CLN8: variants seen among roughly 807,000 people sequenced by gnomAD.
CLN8 encodes protein CLN8.
CLN8 carries 14 observed loss-of-function variants against 15.7 expected under a neutral mutation model. The observed-to-expected ratio is 0.89, with a 90% CI of 0.59 to 1.39. CLN8 has a LOEUF of 1.39. Among genes scored for constraint, CLN8 ranks in the 40% most tolerant of loss-of-function variants. CLN8 has a pLI of 0.00. For synonymous variants in CLN8, 188 were observed against 151.0 expected (o/e 1.25, Z -1.80); for missense variants, 415 against 364.0 (o/e 1.14, Z -1.14).
At chr8:1,780,011 C>T (rs760305859) in intron 2 of CLN8, 1 of 985,320 alleles carries the variant, frequency 1.0e-6, no homozygotes, top group Non-Finnish European at 1.2e-6. Context: ...GCAAGAGGAG[C>T]AGGAAAACAG....
intron 1 of CLN8, among the ~76,000 whole-genome samples, chr8:1,767,565 C>CTTTTTTTTTTTTTTT (rs1156569423): frequency 2.5e-5 from 2 of 81,310 alleles, no homozygotes; most frequent in Non-Finnish European, 2.1e-5. Flanking sequence ...ATGTTTCTTT[C>CTTTTTTTTTTTTTTT]TTTTTTTTTT....
chr8:1,779,738 C>A (rs1021268147), intron 2 of CLN8, among the ~76,000 whole-genome samples: 2 of 152,186 alleles, frequency 1.3e-5, no homozygotes, highest in Admixed American at 1.3e-4. Flanking sequence ...TGGCCACCTT[C>A]TGGCTGTGTC....
At chr8:1,775,331 G>A (rs1278243840) in intron 2 of CLN8, among the ~76,000 whole-genome samples, 1 of 152,110 alleles carries the variant, frequency 6.6e-6, no homozygotes, top group Non-Finnish European at 1.5e-5. Context: ...GTATCTGCAG[G>A]GAGCCCAGGA....
upstream of CLN8, among the ~76,000 whole-genome samples, chr8:1,754,338 T>G (rs6558523): frequency 2.6e-5 from 4 of 151,660 alleles, no homozygotes; most frequent in African/African-American, 9.7e-5. Context: ...ACCCCTGCAT[T>G]ACACCATTGG....
chr8:1,769,586 G>A (rs1801217905), intron 1 of CLN8, among the ~76,000 whole-genome samples: 1 of 152,160 alleles, frequency 6.6e-6, no homozygotes, highest in South Asian at 2.1e-4. Flanking sequence ...GACCAGGCGG[G>A]GACCTGAGTC....
chr8:1,775,153 T>C (rs1801461976), intron 2 of CLN8, among the ~76,000 whole-genome samples: 1 of 152,090 alleles, frequency 6.6e-6, no homozygotes, highest in Non-Finnish European at 1.5e-5. Flanking sequence ...CAATAAAAAA[T>C]ATAACAAATA....
At chr8:1,761,256 G>T (rs909726384), upstream of CLN8, among the ~76,000 whole-genome samples, 1 of 152,020 alleles carries the variant, frequency 6.6e-6, no homozygotes, top group Admixed American at 6.6e-5. Flanking sequence ...TCCACACAGA[G>T]CTGGCTGTGC....
chr8:1,753,715 C>G (rs977867047), upstream of CLN8, among the ~76,000 whole-genome samples: 2 of 151,076 alleles, frequency 1.3e-5, no homozygotes, highest in African/African-American at 4.9e-5. Flanking sequence ...GAAACCCCGT[C>G]TCTACTAAAA....
At chr8:1,780,005 G>C in intron 2 of CLN8, 5 of 985,494 alleles carry the variant, frequency 5.1e-6, no homozygotes, top group Non-Finnish European at 6.0e-6. Flanking sequence ...CAAAGAGCAA[G>C]AGGAGCAGGA....
In CLN8 at chr8:1,781,983, G is replaced by C. The variant is rs940697224; in HGVS notation, c.*1416G>C. The C allele has an allele frequency of 6.6e-6, 1 of 152,048 alleles. No homozygotes were observed. The highest frequency in any genetic ancestry group is 2.4e-5 in the African/African-American group (1 of 41,356). The allele number at this position is 152,048 out of a possible 1,614,324, so 9.4% of individuals were successfully genotyped here. On this transcript the variant is annotated 3_prime_UTR_variant, in exon 3 of 3. Coordinates refer to ENST00000331222, the MANE Select transcript of CLN8 (RefSeq NM_018941.4). ...TGTGTGTGTGTGTGTGTGTGTGTGA[G>C]TGTTTTGATATAAACGTGCAATTAA...
intron 2 of CLN8, among the ~76,000 whole-genome samples, chr8:1,776,155 G>A (rs988385531): frequency 1.3e-5 from 2 of 151,912 alleles, no homozygotes; most frequent in Non-Finnish European, 2.9e-5. Flanking sequence ...GCAGTGCCCC[G>A]GCACACAAAT....
At chr8:1,756,549 C>T (rs1800674698) in intron 1 of CLN8, among the ~76,000 whole-genome samples, 1 of 151,494 alleles carries the variant, frequency 6.6e-6, no homozygotes, top group South Asian at 2.1e-4. Context: ...TTGATTTATA[C>T]CATATTATGC....
chr8:1,783,578 G>A lies in CLN8; in HGVS notation c.*3011G>A, dbSNP rs1194459110. 1 of 151,998 alleles carries A rather than the reference G, an allele frequency of 6.6e-6. No individual in the cohort carries two copies. Among genetic ancestry groups the A allele is most frequent in the Non-Finnish European group, 1.5e-5 (1 of 68,058 alleles). 9.4% of individuals were successfully genotyped at this position (151,998 alleles called of 1,614,324 possible). ...AATGGGCCAGGGAGGTTGAGTGACT[G>A]AAGACCAAGGGTTGGTGCAGCCTCC... On this transcript the variant is annotated 3_prime_UTR_variant, in exon 3 of 3. Transcript: ENST00000331222.
upstream of CLN8, among the ~76,000 whole-genome samples, chr8:1,753,569 CAAAAAAAAAAA>C (rs71190758): frequency 9.7e-6 from 1 of 102,622 alleles, no homozygotes; most frequent in Admixed American, 1.2e-4. Context: ...GAAACTGTTT[CAAAAAAAAAAA>C]AAAAAGAAAG....
rs1248763004 is a variant in CLN8, at chr8:1,784,122, C to G, written c.*3555C>G. The G allele has an allele frequency of 1.3e-5, 2 of 152,150 alleles. No homozygotes were observed. Among genetic ancestry groups the G allele is most frequent in the South Asian group, 4.1e-4 (2 of 4,836 alleles). The allele number at this position is 152,150 out of a possible 1,614,324, so 9.4% of individuals were successfully genotyped here. Reference sequence around the variant, plus strand: ...CCAACATGGTGAAACCCCATCTCTACTAAAAAAACAAAACTAGCTGGGGGT... The same window carrying G: ...CCAACATGGTGAAACCCCATCTCTAGTAAAAAAACAAAACTAGCTGGGGGT... On this transcript the variant is annotated 3_prime_UTR_variant, in exon 3 of 3. Coordinates refer to ENST00000331222, the MANE Select transcript of CLN8 (RefSeq NM_018941.4).
chr8:1,775,077 G>T (rs1025663372), intron 2 of CLN8, among the ~76,000 whole-genome samples: 5 of 151,958 alleles, frequency 3.3e-5, no homozygotes, highest in Admixed American at 6.6e-5. Context: ...TGTATCCATG[G>T]GTTCTGTGTC....
chr8:1,785,358 G>A lies in CLN8; in HGVS notation c.*4791G>A, dbSNP rs1801806545. Reference sequence around the variant, plus strand: ...GTCAGATTACGGTGGCACAGGCGGCGTGGGGTTAGACAGGTACCGGTCAGA... The same window carrying A: ...GTCAGATTACGGTGGCACAGGCGGCATGGGGTTAGACAGGTACCGGTCAGA... On this transcript the variant is annotated 3_prime_UTR_variant, in exon 3 of 3. Transcript: ENST00000331222. 1.3e-5 allele frequency: 2 copies of A among 152,526 alleles called. No homozygotes were observed. The highest frequency in any genetic ancestry group is 1.4e-4 in the South Asian group (1 of 7,044). The allele number at this position is 152,526 out of a possible 1,614,324, so 9.4% of individuals were successfully genotyped here.
rs548158487 is a variant in CLN8, at chr8:1,780,790, C to T, written c.*223C>T. On this transcript the variant is annotated 3_prime_UTR_variant, in exon 3 of 3. Transcript: ENST00000331222. The stretch of plus-strand genomic sequence containing the variant: ...GTCTGGCAGGCTCTGTCAGTTTAGC[C>T]GCGCCGGACCGTGTCAAGCATCTAG... 9.6e-5 allele frequency: 57 copies of T among 595,446 alleles called. No homozygotes were observed. The Middle Eastern group carries it at 1.3e-3, about 14-fold the overall frequency. 36.9% of individuals were successfully genotyped at this position (595,446 alleles called of 1,614,324 possible).
At chr8:1,776,666 T>C (rs1021533178) in intron 2 of CLN8, among the ~76,000 whole-genome samples, 1 of 152,260 alleles carries the variant, frequency 6.6e-6, no homozygotes, top group Admixed American at 6.5e-5. Context: ...ACTTGATAAA[T>C]GCTTGAGTGT....
Sources: allele counts gnomAD v4.1 joint callset (sites outside exome capture counted in the v4.1 genomes callset), GRCh38; gene constraint gnomAD v4.1.1; transcripts MANE v1.5; gene names NCBI Gene and HGNC (gene_info 2026-07-23, HGNC 2026-07-21).